KCTD1: variants seen among roughly 807,000 people sequenced by gnomAD.
KCTD1 encodes potassium channel tetramerization domain containing 1.
In KCTD1, 24 loss-of-function variants were observed where a neutral mutation model predicts 66.0. That is an observed-to-expected ratio of 0.36 (90% confidence interval 0.26 to 0.51). The LOEUF (loss-of-function observed/expected upper bound fraction) is 0.51. KCTD1 is among the 20% of genes least tolerant of loss of function. The pLI is 0.95. For missense variants in KCTD1, 943 were observed against 1,205.2 expected (o/e 0.78, Z 3.22); for synonymous variants, 511 against 517.2 (o/e 0.99, Z 0.16).
intron 1 of KCTD1, among the ~76,000 whole-genome samples, chr18:26,599,063 A>G (rs1986832266): frequency 6.6e-6 from 1 of 152,186 alleles, no homozygotes; most frequent in Non-Finnish European, 1.5e-5. Flanking sequence ...CTAAGATACT[A>G]TTGACAAATC....
At chr18:26,611,167 T>C (rs1375598613) in intron 1 of KCTD1, among the ~76,000 whole-genome samples, 1 of 152,240 alleles carries the variant, frequency 6.6e-6, no homozygotes, top group African/African-American at 2.4e-5. Flanking sequence ...TCTTTCATTT[T>C]GGATGGTGTC....
intron 1 of KCTD1, chr18:26,542,840 G>T (rs1424014714): frequency 6.6e-6 from 1 of 152,164 alleles, no homozygotes; most frequent in Non-Finnish European, 1.5e-5. Flanking sequence ...ACTGACATCA[G>T]ATATGAGTTT....
chr18:26,573,962 C>G (rs1333233960), intron 1 of KCTD1, among the ~76,000 whole-genome samples: 2 of 152,030 alleles, frequency 1.3e-5, no homozygotes, highest in Non-Finnish European at 2.9e-5. Context: ...CAGTATTGCC[C>G]CAAAGTCATT....
At chr18:26,562,337 CT>C (rs935739981) in intron 1 of KCTD1, among the ~76,000 whole-genome samples, 2 of 150,646 alleles carry the variant, frequency 1.3e-5, no homozygotes, top group Non-Finnish European at 2.9e-5. Context: ...GCTCAAGTGA[CT>C]TTCCTACCTC....
At chr18:26,475,794 G>A (rs900756962) in intron 3 of KCTD1, among the ~76,000 whole-genome samples, 2 of 152,152 alleles carry the variant, frequency 1.3e-5, no homozygotes, top group Non-Finnish European at 2.9e-5. Context: ...AGAGGTTGCG[G>A]TGAGCCAAGA....
At chr18:26,534,073 T>A (rs376497086) in intron 1 of KCTD1, among the ~76,000 whole-genome samples, 1 of 152,160 alleles carries the variant, frequency 6.6e-6, no homozygotes, top group Non-Finnish European at 1.5e-5. Context: ...AATCAATTTG[T>A]ATATTTTTTT....
chr18:26,596,752 T>C (rs1394884075), intron 1 of KCTD1, among the ~76,000 whole-genome samples: 1 of 152,256 alleles, frequency 6.6e-6, no homozygotes, highest in African/African-American at 2.4e-5. Context: ...CACAAAGTAA[T>C]AGTTTACTAA....
upstream of KCTD1, chr18:26,548,686 A>G: frequency 1.2e-6 from 1 of 850,516 alleles, no homozygotes; most frequent in Non-Finnish European, 1.4e-6. Context: ...TCCCGAGCGC[A>G]GCTCCGGAGG....
intron 1 of KCTD1, among the ~76,000 whole-genome samples, chr18:26,622,925 G>A (rs375243830): frequency 2.0e-5 from 3 of 152,226 alleles, no homozygotes; most frequent in African/African-American, 7.2e-5. Flanking sequence ...GGCCAACCAG[G>A]GAATGATTTT....
intron 3 of KCTD1, among the ~76,000 whole-genome samples, chr18:26,464,707 G>A (rs1487343435): frequency 1.3e-5 from 2 of 152,186 alleles, no homozygotes; most frequent in Non-Finnish European, 2.9e-5. Context: ...ATTTTTCTCT[G>A]AGGAATGTCT....
chr18:26,510,642 A>G (rs1983285163), intron 1 of KCTD1, among the ~76,000 whole-genome samples: 1 of 152,240 alleles, frequency 6.6e-6, no homozygotes, highest in Non-Finnish European at 1.5e-5. Context: ...CATGAAAAGA[A>G]TGACTATTGG....
chr18:26,631,892 C>CA (rs11416173), upstream of KCTD1, among the ~76,000 whole-genome samples: 79,191 of 150,082 alleles, frequency 0.53, 21,146 homozygotes, highest in East Asian at 0.67. Context: ...ACTAAAAATA[C>CA]AAAAAAAATT....
At chr18:26,559,462 G>T (rs980958662) in intron 1 of KCTD1, among the ~76,000 whole-genome samples, 1 of 152,246 alleles carries the variant, frequency 6.6e-6, no homozygotes, top group Admixed American at 6.5e-5. Context: ...GATTCAGCCA[G>T]TCTGGGGTGG....
chr18:26,506,129 G>A (rs778931485), intron 1 of KCTD1, among the ~76,000 whole-genome samples: 2 of 151,592 alleles, frequency 1.3e-5, no homozygotes, highest in African/African-American at 4.9e-5. Flanking sequence ...TGATCAGCCC[G>A]CCTTGGCCTC....
intron 1 of KCTD1, among the ~76,000 whole-genome samples, chr18:26,554,201 G>C (rs1490823528): frequency 6.8e-6 from 1 of 146,970 alleles, no homozygotes; most frequent in Non-Finnish European, 1.5e-5. Flanking sequence ...AAAGAAAAGA[G>C]AATCTTCAAG....
At chr18:26,464,530 C>T (rs538166724) in intron 3 of KCTD1, among the ~76,000 whole-genome samples, 3 of 152,326 alleles carry the variant, frequency 2.0e-5, no homozygotes, top group Middle Eastern at 6.8e-3. Flanking sequence ...TCACAGTCAA[C>T]GGTTCTGCAA....
chr18:26,506,727 A>C (rs1462875069), intron 1 of KCTD1, among the ~76,000 whole-genome samples: 2 of 152,138 alleles, frequency 1.3e-5, no homozygotes, highest in African/African-American at 4.8e-5. Context: ...AAGACCCCAC[A>C]ATCTAAACAG....
intron 1 of KCTD1, among the ~76,000 whole-genome samples, chr18:26,510,771 A>C (rs1983291696): frequency 6.6e-6 from 1 of 152,260 alleles, no homozygotes; most frequent in South Asian, 2.1e-4. Context: ...TACACTTAAA[A>C]CACTAGAGAA....
intron 1 of KCTD1, among the ~76,000 whole-genome samples, chr18:26,526,363 G>T (rs1367313909): frequency 1.3e-5 from 2 of 152,204 alleles, no homozygotes; most frequent in Non-Finnish European, 2.9e-5. Context: ...GCTCTTGGAG[G>T]CTGTGATCTA....
Sources: gnomAD v4.1 joint callset for allele counts (sites outside exome capture counted in the v4.1 genomes callset) on GRCh38, gnomAD v4.1.1 for gene constraint, MANE v1.5 for transcripts, NCBI Gene and HGNC (gene_info 2026-07-23, HGNC 2026-07-21) for gene names.